The following TNIP3 variants were observed in gnomAD, a reference collection of about 807,000 sequenced individuals.
TNIP3 encodes TNFAIP3-interacting protein 3.
TNIP3 carries 34 observed loss-of-function variants against 54.1 expected under a neutral mutation model. The ratio of observed to expected loss-of-function variants is 0.63; its 90% CI spans 0.48 to 0.84. The LOEUF is 0.84. Among genes scored for constraint, TNIP3 ranks in the 40% least tolerant of loss-of-function variants. The pLI is 0.00. For synonymous variants in TNIP3, 134 were observed against 136.8 expected, an observed-to-expected ratio of 0.98 and a Z score of 0.14; for missense variants, 366 against 387.6, an observed-to-expected ratio of 0.94 and a Z score of 0.47.
intron 5 of TNIP3, among the ~76,000 whole-genome samples, chr4:121,150,750 C>G (rs1729699637): frequency 6.6e-6 from 1 of 152,196 alleles, no homozygotes; most frequent in Non-Finnish European, 1.5e-5. Flanking sequence ...GGCATGCCTC[C>G]AACAAGAGAG....
chr4:121,139,831 A>G (rs1729007385), intron 9 of TNIP3, among the ~76,000 whole-genome samples: 1 of 152,222 alleles, frequency 6.6e-6, no homozygotes, highest in Non-Finnish European at 1.5e-5. Flanking sequence ...CACATAGGAT[A>G]AGTGACGTGA....
rs35546916 is a variant in TNIP3, at chr4:121,147,136, C to A, written c.648G>T (p.Ser216=). Residue 216 remains serine (S), a synonymous_variant, in exon 7 of 11, where the codon TCG becomes TCT. Transcript: ENST00000057513. ...TCTCTTGATTAAGTCTCTCTCGATC[C>A]GATCGTTCCTTTTTGAAGTCTTCTT... ...IYEEDFKKER[S]DRERLNQEKE... 1,157 of 1,612,468 alleles carry A rather than the reference C, an allele frequency of 7.2e-4. 9 individuals are homozygous for A. The African/African-American group carries it at 0.014, about 19-fold the overall frequency.
intron 2 of TNIP3, among the ~76,000 whole-genome samples, chr4:121,191,089 TTTGTTG>T (rs758806764): frequency 1.2e-4 from 18 of 152,190 alleles, no homozygotes; most frequent in African/African-American, 4.3e-4. Context: ...TGTTTTTGTT[TTTGTTG>T]TTGTTGTTGT....
chr4:121,166,565 T>C (rs1433451599), upstream of TNIP3, among the ~76,000 whole-genome samples: 1 of 152,180 alleles, frequency 6.6e-6, no homozygotes, highest in African/African-American at 2.4e-5. Context: ...ATTTCTGAAG[T>C]CACTAAAATA....
At chr4:121,215,880 TAAAAAAA>T (rs70948385) in intron 2 of TNIP3, among the ~76,000 whole-genome samples, 1 of 133,842 alleles carries the variant, frequency 7.5e-6, no homozygotes, top group Non-Finnish European at 1.6e-5. Context: ...GGTGCCACAT[TAAAAAAA>T]AAAAAAAAGA....
chr4:121,204,769 T>C (rs1470691325), intron 2 of TNIP3, among the ~76,000 whole-genome samples: 1 of 152,240 alleles, frequency 6.6e-6, no homozygotes, highest in African/African-American at 2.4e-5. Context: ...AAACTTTTAA[T>C]AGTGCTTCTT....
At chr4:121,132,805 A>C (rs1441580823) in intron 10 of TNIP3, 143 bp from the exon 11 acceptor site, 2 of 669,646 alleles carry the variant, frequency 3.0e-6, no homozygotes, top group Non-Finnish European at 5.1e-6. Flanking sequence ...ACAAGTTTAC[A>C]CTGAGAAATC....
intron 1 of TNIP3, 79 bp from the exon 2 acceptor site, chr4:121,161,295 A>G: frequency 7.8e-7 from 1 of 1,285,290 alleles, no homozygotes; most frequent in South Asian, 1.4e-5. Context: ...CAGAAACCCC[A>G]TGCATTTGGC....
chr4:121,226,067 TTAAA>T (rs1163541048), intron 1 of TNIP3, among the ~76,000 whole-genome samples: 1 of 151,662 alleles, frequency 6.6e-6, no homozygotes, highest in Non-Finnish European at 1.5e-5. Flanking sequence ...CCAATGATAA[TTAAA>T]TATATACTTG....
At chr4:121,153,215 T>C (rs1729869493) in intron 5 of TNIP3, among the ~76,000 whole-genome samples, 1 of 152,288 alleles carries the variant, frequency 6.6e-6, no homozygotes, top group East Asian at 1.9e-4. Context: ...ACCGGAATGA[T>C]GAAAAATTGT....
chr4:121,182,533 T>C, intron 3 of TNIP3: 1 of 984,258 alleles, frequency 1.0e-6, no homozygotes, highest in African/African-American at 1.6e-5. Flanking sequence ...AGAAGTTTTA[T>C]ACTGCTTCAG....
intron 7 of TNIP3, 49 bp from the exon 8 acceptor site, chr4:121,142,825 T>C (rs1426102798): frequency 7.2e-6 from 11 of 1,529,156 alleles, no homozygotes; most frequent in Non-Finnish European, 9.0e-6. Context: ...TTAAAATCAT[T>C]AATTCCCAAG....
At chr4:121,146,600 C>T (rs1407254386) in intron 7 of TNIP3, among the ~76,000 whole-genome samples, 1 of 152,140 alleles carries the variant, frequency 6.6e-6, no homozygotes, top group African/African-American at 2.4e-5. Context: ...TACATTACAT[C>T]TGGGAACCAC....
intron 6 of TNIP3, among the ~76,000 whole-genome samples, chr4:121,147,773 AAAT>A (rs1457512413): frequency 6.6e-6 from 1 of 152,226 alleles, no homozygotes; most frequent in Non-Finnish European, 1.5e-5. Flanking sequence ...ATTCTGATTT[AAAT>A]TACTACTTAT....
chr4:121,210,047 C>A (rs1726397232), intron 2 of TNIP3, among the ~76,000 whole-genome samples: 1 of 152,122 alleles, frequency 6.6e-6, no homozygotes, highest in African/African-American at 2.4e-5. Context: ...GGGAGTCTGA[C>A]TCAAGAAACC....
chr4:121,214,192 A>G (rs115192113), intron 2 of TNIP3, among the ~76,000 whole-genome samples: 1,652 of 152,196 alleles, frequency 0.011, 27 homozygotes, highest in African/African-American at 0.038. Context: ...CCCTCAGACA[A>G]AGACATGGAC....
Position 121,142,847 on chromosome 4 carries a change from C to A in TNIP3, c.736-71G>T, listed in dbSNP as rs112523283. The A allele has an allele frequency of 3.5e-3, 4,768 of 1,360,912 alleles. 108 individuals are homozygous for A. In the African/African-American group the frequency reaches 0.056, roughly 16 times the overall value. The allele number at this position is 1,360,912 out of a possible 1,614,324, so 84.3% of individuals were successfully genotyped here. On this transcript the variant is annotated intron_variant, in intron 7 of 10. Coordinates refer to ENST00000057513, the MANE Select transcript of TNIP3 (RefSeq NM_024873.6). ...CATTAATTCCCAAGCCACTCTTGAC[C>A]TACTCAAGTGTCAGGCATTGACAGC...
At chr4:121,196,492 A>G (rs115626364) in intron 2 of TNIP3, among the ~76,000 whole-genome samples, 165 of 152,316 alleles carry the variant, frequency 1.1e-3, no homozygotes, top group African/African-American at 3.8e-3. Context: ...GTGGTTGACT[A>G]TGTAATAGAA....
Position 121,157,262 on chromosome 4 carries a change from G to A in TNIP3, c.214-19C>T, listed in dbSNP as rs547258418. On this transcript the variant is annotated intron_variant, in intron 3 of 10. Coordinates refer to ENST00000057513, the MANE Select transcript of TNIP3 (RefSeq NM_024873.6). ...CTGCTACCTGAGGAGGTCGTTCAAA[G>A]ACAGCTGCAGATACCTTCTCTGAAG... The A allele has an allele frequency of 4.0e-5, 64 of 1,613,968 alleles. No homozygotes were observed. In the South Asian group the frequency reaches 5.9e-4, roughly 15 times the overall value.
Sources: allele counts gnomAD v4.1 joint callset (sites outside exome capture counted in the v4.1 genomes callset), GRCh38; gene constraint gnomAD v4.1.1; transcripts MANE v1.5; gene names NCBI Gene and HGNC (gene_info 2026-07-23, HGNC 2026-07-21).